The following NAV2 variants were observed in gnomAD, a reference collection of about 807,000 sequenced individuals.
The protein encoded by NAV2 is helicase, APC down-regulated 1.
In NAV2, 54 loss-of-function variants were observed where a neutral mutation model predicts 223.2. The observed-to-expected ratio is 0.24, with a 90% confidence interval of 0.19 to 0.30. The LOEUF is 0.30. Among genes scored for constraint, NAV2 ranks in the 10% least tolerant of loss-of-function variants. NAV2 has a pLI of 1.00. For synonymous variants in NAV2, 1,279 were observed against 1,239.3 expected (o/e 1.03, Z -0.67); for missense variants, 2,806 against 3,147.5 (o/e 0.89, Z 2.60).
rs1330731980 is a variant in NAV2, at chr11:20,055,896, C to G, written c.4770C>G (p.Ser1590=). Residue 1590 remains serine (S), a synonymous_variant, in exon 19 of 38, where the codon TCC becomes TCG. Transcript: ENST00000349880. ...TDSRFRNSSM[S]LDEKSRTMSR... The stretch of plus-strand genomic sequence containing the variant: ...GCCGCTTCCGGAATAGCTCCATGTC[C>G]CTGGATGAGAAGAGCAGAACCATGA... 1 of 1,614,174 alleles carries G rather than the reference C, an allele frequency of 6.2e-7. No homozygotes were observed. Among genetic ancestry groups the G allele is most frequent in the African/African-American group, 1.3e-5 (1 of 75,052 alleles).
intron 22 of NAV2, among the ~76,000 whole-genome samples, chr11:20,068,722 T>C (rs548087311): frequency 6.6e-6 from 1 of 152,232 alleles, no homozygotes; most frequent in South Asian, 2.1e-4. Flanking sequence ...TTCTGAAAAT[T>C]TTGATTTTAA....
intron 1 of NAV2, among the ~76,000 whole-genome samples, chr11:19,383,337 G>T (rs1848916584): frequency 1.3e-5 from 2 of 152,216 alleles, no homozygotes; most frequent in Non-Finnish European, 2.9e-5. Flanking sequence ...CCATAAGGTG[G>T]CAGTAGCCTG....
intron 1 of NAV2, among the ~76,000 whole-genome samples, chr11:19,404,558 AACCC>A (rs55786130): frequency 0.82 from 124,484 of 152,000 alleles, 51,720 homozygotes; most frequent in Non-Finnish European, 0.9. Context: ...CTGCAGCTTT[AACCC>A]TAGGTTCTGA....
In NAV2 at chr11:19,945,444, G is replaced by A. The variant is rs555585011; in HGVS notation, c.2147-957G>A. ...GGCTGGATTGCAATGGCACAATCTCGGCTGACTGCAACCTCTACCTTCTAA... is the reference window on the plus strand; with the variant it reads ...GGCTGGATTGCAATGGCACAATCTCAGCTGACTGCAACCTCTACCTTCTAA... On this transcript the variant is annotated intron_variant, in intron 8 of 37. Transcript: ENST00000349880. 8.6e-4 allele frequency among the ~76,000 whole-genome samples: 131 copies of A among 151,484 alleles called. 2 individuals carry two copies. The South Asian group carries it at 0.027, about 31-fold the overall frequency.
chr11:19,792,408 C>A (rs1292141935), intron 1 of NAV2, among the ~76,000 whole-genome samples: 2 of 152,260 alleles, frequency 1.3e-5, no homozygotes, highest in Non-Finnish European at 2.9e-5. Context: ...AAGCCTGACA[C>A]CCTGGTCTGC....
At chr11:19,639,955 A>T (rs941287377) in intron 1 of NAV2, among the ~76,000 whole-genome samples, 2 of 152,184 alleles carry the variant, frequency 1.3e-5, no homozygotes. Context: ...AGCATGGGTG[A>T]AGGGAAGATG....
chr11:20,060,186 A>C (rs983830795), intron 19 of NAV2, among the ~76,000 whole-genome samples: 5 of 152,234 alleles, frequency 3.3e-5, no homozygotes, highest in African/African-American at 1.2e-4. Context: ...AGAAAAGAAA[A>C]AACTTCCATT....
At chr11:19,836,990 C>T (rs1486019742) in intron 2 of NAV2, among the ~76,000 whole-genome samples, 4 of 152,142 alleles carry the variant, frequency 2.6e-5, no homozygotes, top group African/African-American at 4.8e-5. Context: ...AATTATCTCC[C>T]AAAGGCCCCA....
chr11:19,483,479 TC>T (rs1290649495), intron 1 of NAV2, among the ~76,000 whole-genome samples: 1 of 152,190 alleles, frequency 6.6e-6, no homozygotes, highest in Admixed American at 6.5e-5. Flanking sequence ...GCTGGAAATT[TC>T]GTTGTGCCAA....
At chr11:19,712,481 G>T (rs1301466537), upstream of NAV2, 1 of 152,218 alleles carries the variant, frequency 6.6e-6, no homozygotes, top group Non-Finnish European at 1.5e-5. Flanking sequence ...GACTCAAACC[G>T]TTAAGGTGAC....
At chr11:19,724,994 G>A (rs929921939) in intron 1 of NAV2, among the ~76,000 whole-genome samples, 1 of 152,192 alleles carries the variant, frequency 6.6e-6, no homozygotes, top group Admixed American at 6.5e-5. Context: ...TTCCCTGGGT[G>A]GTTATAGCAT....
chr11:19,512,864 T>TGACACTGGCTTGGATGATGCTGC (rs1226251233), intron 1 of NAV2, among the ~76,000 whole-genome samples: 1 of 152,210 alleles, frequency 6.6e-6, no homozygotes, highest in Non-Finnish European at 1.5e-5. Flanking sequence ...ATTTGTGCTG[T>TGACACTGGCTTGGATGATGCTGC]GACACTGGCT....
chr11:19,911,030 CAT>C (rs2043266982), intron 6 of NAV2, among the ~76,000 whole-genome samples: 1 of 140,792 alleles, frequency 7.1e-6, no homozygotes, highest in African/African-American at 2.9e-5. Context: ...TTTGCAAGCA[CAT>C]TTTTTTTTTT....
chr11:19,381,774 T>G (rs138094100), intron 1 of NAV2, among the ~76,000 whole-genome samples: 6 of 152,136 alleles, frequency 3.9e-5, no homozygotes, highest in African/African-American at 1.4e-4. Context: ...AAAGAGATAT[T>G]CTTAACTAAG....
Position 19,737,640 on chromosome 11 carries a change from A to G in NAV2, c.267+23678A>G, listed in dbSNP as rs556900664. ...ATGCAAGGCATTTATTTATACTCTGAGCTCAGTTTCCTCATCTGAAAAATG... is the reference window on the plus strand; with the variant it reads ...ATGCAAGGCATTTATTTATACTCTGGGCTCAGTTTCCTCATCTGAAAAATG... On this transcript the variant is annotated intron_variant, in intron 1 of 37. Transcript: ENST00000349880. Among the ~76,000 whole-genome samples, 12 of 152,298 alleles carry G rather than the reference A, an allele frequency of 7.9e-5. No individual in the cohort carries two copies. In the East Asian group the frequency reaches 2.3e-3, roughly 29 times the overall value.
At chr11:19,802,726 A>AAAAG (rs2058342890) in intron 1 of NAV2, among the ~76,000 whole-genome samples, 1 of 151,804 alleles carries the variant, frequency 6.6e-6, no homozygotes, top group South Asian at 2.1e-4. Context: ...AAAAAAAAAA[A>AAAAG]AAAATTACAC....
At chr11:19,392,054 T>A (rs1849269237) in intron 1 of NAV2, among the ~76,000 whole-genome samples, 1 of 152,188 alleles carries the variant, frequency 6.6e-6, no homozygotes, top group South Asian at 2.1e-4. Flanking sequence ...AATGGAGAGT[T>A]TGGATTAGTG....
intron 1 of NAV2, among the ~76,000 whole-genome samples, chr11:19,730,203 G>A (rs370546733): frequency 2.0e-5 from 3 of 152,154 alleles, no homozygotes; most frequent in East Asian, 1.9e-4. Context: ...AGTTCCCCTC[G>A]GCAGGGTCGG....
intron 1 of NAV2, among the ~76,000 whole-genome samples, chr11:19,648,668 A>G (rs2047883272): frequency 6.6e-6 from 1 of 152,294 alleles, no homozygotes; most frequent in East Asian, 1.9e-4. Flanking sequence ...GGGCCCCCTG[A>G]GAGATCACAG....
Sources: allele counts gnomAD v4.1 joint callset (sites outside exome capture counted in the v4.1 genomes callset), GRCh38; gene constraint gnomAD v4.1.1; transcripts MANE v1.5; gene names NCBI Gene and HGNC (gene_info 2026-07-23, HGNC 2026-07-21).